RALGPS2: variants seen among roughly 807,000 people sequenced by gnomAD.
The protein encoded by RALGPS2 is ras-specific guanine nucleotide-releasing factor RalGPS2.
RALGPS2 carries 43 observed loss-of-function variants against 86.8 expected under a neutral mutation model. The ratio of observed to expected loss-of-function variants is 0.50; its 90% CI spans 0.39 to 0.64. The LOEUF is 0.64. Ranked by LOEUF, RALGPS2 falls within the 30% of genes least tolerant of loss-of-function variation. The probability of loss-of-function intolerance (pLI) is 0.00; values close to 1 mark genes in which losing one functional copy is unlikely to be tolerated. For synonymous variants in RALGPS2, 243 were observed against 231.3 expected (o/e 1.05, Z -0.46); for missense variants, 536 against 694.6 (o/e 0.77, Z 2.57).
chr1:178,850,995 G>C, intron 8 of RALGPS2: 1 of 814,732 alleles, frequency 1.2e-6, no homozygotes, highest in Non-Finnish European at 1.8e-6. Context: ...CCCTTTTATA[G>C]TTACGGTAAA....
intron 1 of RALGPS2, among the ~76,000 whole-genome samples, chr1:178,731,847 A>G (rs1286100348): frequency 6.6e-6 from 1 of 152,072 alleles, no homozygotes; most frequent in Non-Finnish European, 1.5e-5. Context: ...GTTAGGTAGT[A>G]TTTTAGGCAT....
At chr1:178,750,902 A>G (rs1256365586) in intron 1 of RALGPS2, among the ~76,000 whole-genome samples, 1 of 152,158 alleles carries the variant, frequency 6.6e-6, no homozygotes, top group Non-Finnish European at 1.5e-5. Context: ...AAAATCACTA[A>G]TAGCTATGGA....
intron 1 of RALGPS2, among the ~76,000 whole-genome samples, chr1:178,763,426 G>T (rs1280313029): frequency 1.3e-5 from 2 of 152,182 alleles, no homozygotes; most frequent in Non-Finnish European, 2.9e-5. Flanking sequence ...TCTTTAGATT[G>T]CTTTGGGCAG....
intron 4 of RALGPS2, among the ~76,000 whole-genome samples, chr1:178,792,838 G>GTGAT (rs1400737853): frequency 6.6e-6 from 1 of 152,208 alleles, no homozygotes; most frequent in African/African-American, 2.4e-5. Context: ...TGTAATTACA[G>GTGAT]TGATTATAAA....
intron 6 of RALGPS2, among the ~76,000 whole-genome samples, chr1:178,812,797 G>C (rs547152649): frequency 6.6e-6 from 1 of 152,184 alleles, no homozygotes; most frequent in African/African-American, 2.4e-5. Context: ...TTTTCCTTAA[G>C]AACATGGGAG....
rs1032832191 is a variant in RALGPS2 at position 178,725,439 on chromosome 1, G to T, written c.-84+20G>T. On this transcript the variant is annotated intron_variant, in intron 1 of 19. Transcript: ENST00000367635. The stretch of plus-strand genomic sequence containing the variant: ...GCACAGGTCGGTGGGCTCAGGCCGC[G>T]GGGCGGTGCGGGGGAGGGAGGGAGG... 2.0e-5 allele frequency: 3 copies of T among 148,540 alleles called. No homozygotes were observed. The highest frequency in any genetic ancestry group is 2.0e-4 in the Admixed American group (3 of 14,980). 9.2% of individuals were successfully genotyped at this position (148,540 alleles called of 1,614,324 possible).
At chr1:178,906,980 T>C (rs921719646) in intron 19 of RALGPS2, 113 bp downstream of exon 19, 6 of 897,990 alleles carry the variant, frequency 6.7e-6, no homozygotes, top group African/African-American at 1.7e-5. Context: ...TGGTGGTGTT[T>C]TTATTCTTGT....
chr1:178,799,499 G>T (rs967161353), intron 4 of RALGPS2, among the ~76,000 whole-genome samples: 3 of 152,120 alleles, frequency 2.0e-5, no homozygotes, highest in African/African-American at 7.2e-5. Context: ...GATCAGGACT[G>T]CCCTTACCTA....
At chr1:178,779,003 T>G (rs923548034) in intron 2 of RALGPS2, among the ~76,000 whole-genome samples, 8 of 152,208 alleles carry the variant, frequency 5.3e-5, no homozygotes, top group Admixed American at 2.0e-4. Flanking sequence ...TAGAATTTCT[T>G]TTTAGAGTAT....
chr1:178,865,479 C>T (rs1260671370), intron 8 of RALGPS2: 1 of 1,613,992 alleles, frequency 6.2e-7, no homozygotes, highest in Non-Finnish European at 8.5e-7. Context: ...TGCAGAACAT[C>T]TATCTCCCGC....
rs1362127090 is a variant in RALGPS2, at chr1:178,843,477, G to A, written c.607+9927G>A. 1.6e-4 allele frequency among the ~76,000 whole-genome samples: 22 copies of A among 141,466 alleles called. No individual in the cohort carries two copies. The Admixed American group carries it at 1.6e-3, about 10-fold the overall frequency. The allele number at this position is 141,466 out of a possible 152,430, so 92.8% of individuals were successfully genotyped here. A position where few individuals can be genotyped will look rare whatever the true frequency, so the allele number is the denominator to read the frequency against. On this transcript the variant is annotated intron_variant, in intron 8 of 19. Transcript: ENST00000367635. ...ATGAGATCACATGGACACAGGAAGG[G>A]GAATATCACACTCTGGGGACTGTGG...
chr1:178,874,859 G>A (rs1658929199), intron 8 of RALGPS2, among the ~76,000 whole-genome samples: 1 of 152,110 alleles, frequency 6.6e-6, no homozygotes, highest in Non-Finnish European at 1.5e-5. Flanking sequence ...TAAGCAGTCT[G>A]CCCGCCTCAG....
intron 1 of RALGPS2, among the ~76,000 whole-genome samples, chr1:178,756,920 A>G (rs557355844): frequency 2.6e-5 from 4 of 152,298 alleles, no homozygotes; most frequent in Non-Finnish European, 4.4e-5. Context: ...CTTTCAAACC[A>G]GCAGCATGGA....
chr1:178,889,698 T>C lies in RALGPS2; in HGVS notation c.1247+2T>C, dbSNP rs1244782867. ...GACCTCATGGCCTGCTTTTGAAAGG[T>C]AAGATAAATTGTCCATTTGAACTAC... is the stretch of plus-strand genomic sequence containing the variant. On this transcript the variant is annotated splice_donor_variant, in intron 14 of 19. Coordinates refer to ENST00000367635, the MANE Select transcript of RALGPS2 (RefSeq NM_152663.5). LOFTEE classifies it high-confidence loss of function. 1.2e-6 allele frequency: 2 copies of C among 1,600,772 alleles called. No individual in the cohort carries two copies. Among genetic ancestry groups the C allele is most frequent in the Admixed American group, 3.4e-5 (2 of 58,712 alleles).
At chr1:178,779,796 C>T (rs1181433560) in intron 2 of RALGPS2, among the ~76,000 whole-genome samples, 2 of 152,316 alleles carry the variant, frequency 1.3e-5, no homozygotes, top group African/African-American at 4.8e-5. Flanking sequence ...TGCAGTGGCA[C>T]GATCTGGGCC....
chr1:178,782,527 C>G (rs541884918), intron 2 of RALGPS2, among the ~76,000 whole-genome samples: 2 of 151,954 alleles, frequency 1.3e-5, no homozygotes, highest in African/African-American at 4.8e-5. Context: ...TCTAGACTTC[C>G]TGTCTCACCT....
chr1:178,784,384 A>T, intron 2 of RALGPS2, 34 bp from the exon 3 acceptor site: 1 of 1,521,688 alleles, frequency 6.6e-7, no homozygotes, highest in Non-Finnish European at 9.0e-7. Flanking sequence ...GTGAGACAGT[A>T]TGTAAAAGGC....
chr1:178,743,445 T>C (rs1651139589), intron 1 of RALGPS2, among the ~76,000 whole-genome samples: 1 of 152,184 alleles, frequency 6.6e-6, no homozygotes, highest in African/African-American at 2.4e-5. Context: ...ATGAAAATGA[T>C]TTTGATGTAA....
At chr1:178,750,790 A>T (rs563044386) in intron 1 of RALGPS2, among the ~76,000 whole-genome samples, 5 of 152,260 alleles carry the variant, frequency 3.3e-5, no homozygotes, top group Non-Finnish European at 7.4e-5. Context: ...ACCTTTCTAA[A>T]ATAAAAGTAT....
Sources: gnomAD v4.1 joint callset for allele counts (sites outside exome capture counted in the v4.1 genomes callset) on GRCh38, gnomAD v4.1.1 for gene constraint, MANE v1.5 for transcripts, NCBI Gene and HGNC (gene_info 2026-07-23, HGNC 2026-07-21) for gene names.